NDE1: variants seen among roughly 807,000 people sequenced by gnomAD.
The protein encoded by NDE1 is nuclear distribution protein nudE homolog 1.
In NDE1, 28 loss-of-function variants were observed where a neutral mutation model predicts 43.4. The ratio of observed to expected loss-of-function variants is 0.65; its 90% confidence interval spans 0.48 to 0.89. The LOEUF (loss-of-function observed/expected upper bound fraction) is 0.89, where lower values mean the gene tolerates loss of function less well. NDE1 is among the 40% of genes least tolerant of loss of function. The pLI is 0.00. For synonymous variants in NDE1, 184 were observed against 172.0 expected (o/e 1.07, Z -0.55); for missense variants, 441 against 434.1 (o/e 1.02, Z -0.14).
rs1215643493 is a variant in NDE1, at chr16:15,724,285, G to A, written c.*34G>A. 8 of 1,614,136 alleles carry A rather than the reference G, an allele frequency of 5.0e-6. No homozygotes were observed. The highest frequency in any genetic ancestry group is 3.3e-5 in the South Asian group (3 of 91,082). ...CTTGGTCTTTTCCAGTTTATCATAA[G>A]CGGCCGCCTTCTCCTCGTACTGCTG... On this transcript the variant is annotated 3_prime_UTR_variant, in exon 9 of 9. Transcript: ENST00000396354.
At chr16:15,714,453 G>A (rs566865255) in intron 8 of NDE1, 24 of 204,486 alleles carry the variant, frequency 1.2e-4, no homozygotes, top group Non-Finnish European at 1.9e-4. Flanking sequence ...GGGGAATGTC[G>A]GACAGCCCCC....
intron 8 of NDE1, chr16:15,704,162 T>C (rs1265949547): frequency 1.2e-6 from 2 of 1,612,076 alleles, no homozygotes; most frequent in Admixed American, 1.7e-5. Flanking sequence ...AGCAAAGAAA[T>C]CTTCATGGTT....
In NDE1 at chr16:15,719,839, A is replaced by ACGAGCATGGCTCTCAGTTCCAGGTGGCT. The variant is rs2040372374; in HGVS notation, c.948-4351_948-4324dup. 9 of 1,365,204 alleles carry ACGAGCATGGCTCTCAGTTCCAGGTGGCT rather than the reference A, an allele frequency of 6.6e-6. No individual in the cohort carries two copies. The East Asian group carries it at 2.1e-4, about 32-fold the overall frequency. 84.6% of individuals were successfully genotyped at this position (1,365,204 alleles called of 1,614,324 possible). ...TTGACCACAAAGAAGTTCCCATTGC[A>ACGAGCATGGCTCTCAGTTCCAGGTGGCT]CGAGCATGGCTCTCAGTTCCAGGTG... On this transcript the variant is annotated intron_variant, in intron 8 of 8. Coordinates refer to ENST00000396354, the MANE Select transcript of NDE1 (RefSeq NM_017668.3).
At chr16:15,695,534 A>G (rs1439583436) in intron 7 of NDE1, 1 of 985,004 alleles carries the variant, frequency 1.0e-6, no homozygotes, top group East Asian at 1.1e-4. Context: ...GCCTAGGGCA[A>G]AGAATTTGGC....
intron 3 of NDE1, among the ~76,000 whole-genome samples, chr16:15,671,841 C>T (rs553395284): frequency 1.3e-5 from 2 of 152,134 alleles, no homozygotes; most frequent in East Asian, 1.9e-4. Flanking sequence ...CAGGCACCTG[C>T]CACACCACGC....
intron 8 of NDE1, among the ~76,000 whole-genome samples, chr16:15,698,216 A>G (rs1355871174): frequency 6.6e-6 from 1 of 152,030 alleles, no homozygotes; most frequent in East Asian, 1.9e-4. Flanking sequence ...GATCTCTAAC[A>G]GTGTCATTAA....
intron 5 of NDE1, among the ~76,000 whole-genome samples, chr16:15,689,510 C>T (rs187918963): frequency 1.3e-5 from 2 of 152,054 alleles, no homozygotes; most frequent in Admixed American, 6.6e-5. Context: ...AAATCATTGC[C>T]AAGACATACC....
chr16:15,718,405 C>T (rs1388279286), intron 8 of NDE1: 6 of 1,591,004 alleles, frequency 3.8e-6, no homozygotes, highest in Admixed American at 3.4e-5. Flanking sequence ...CGATCCGGGC[C>T]TCCAGGCGGC....
At chr16:15,674,106 C>T (rs1229304074) in intron 3 of NDE1, among the ~76,000 whole-genome samples, 1 of 152,130 alleles carries the variant, frequency 6.6e-6, no homozygotes, top group East Asian at 1.9e-4. Flanking sequence ...GATGTTATTG[C>T]TGCAGCTGGC....
intron 8 of NDE1, chr16:15,719,240 C>T (rs2040335943): frequency 1.2e-6 from 2 of 1,613,718 alleles, no homozygotes; most frequent in East Asian, 2.2e-5. Context: ...GGCTACTGGC[C>T]AGCTCCTCTG....
chr16:15,697,561 A>T (rs1004253559), intron 8 of NDE1, among the ~76,000 whole-genome samples: 4 of 152,008 alleles, frequency 2.6e-5, no homozygotes, highest in Non-Finnish European at 5.9e-5. Flanking sequence ...AAAAATAGAA[A>T]AATGAGCCAG....
Position 15,664,714 on chromosome 16 carries a change from A to G in NDE1, c.-43-22A>G, listed in dbSNP as rs1471103145. 26 of 1,305,598 alleles carry G rather than the reference A, an allele frequency of 2.0e-5. No homozygotes were observed. In the Admixed American group the frequency reaches 3.7e-4, roughly 19 times the overall value. The allele number at this position is 1,305,598 out of a possible 1,614,324, so 80.9% of individuals were successfully genotyped here. Reference sequence around the variant, plus strand: ...GCTGTTTAACCAGATGTGGGTAATCATTTTGAAACCTTCTCTCCTAGACAC... The same window carrying G: ...GCTGTTTAACCAGATGTGGGTAATCGTTTTGAAACCTTCTCTCCTAGACAC... On this transcript the variant is annotated intron_variant, in intron 1 of 8. Transcript: ENST00000396354.
intron 3 of NDE1, among the ~76,000 whole-genome samples, chr16:15,672,409 T>A (rs2037642417): frequency 6.6e-6 from 1 of 152,026 alleles, no homozygotes; most frequent in African/African-American, 2.4e-5. Context: ...TGCAGCCACA[T>A]GTCAGATGCA....
chr16:15,711,796 G>A (rs1051376525), intron 8 of NDE1, among the ~76,000 whole-genome samples: 1 of 152,086 alleles, frequency 6.6e-6, no homozygotes, highest in African/African-American at 2.4e-5. Context: ...AGGTTCAAGC[G>A]ATTCTCCTGC....
rs113860317 is a variant in NDE1 at position 15,720,742 on chromosome 16, T to TAAAAA, written c.948-3446_948-3445insAAAAA. 2,869 of 1,351,282 alleles carry TAAAAA rather than the reference T, an allele frequency of 2.1e-3. 51 individuals are homozygous for TAAAAA. The African/African-American group carries it at 0.035, about 16-fold the overall frequency. 83.7% of individuals were successfully genotyped at this position (1,351,282 alleles called of 1,614,324 possible). A position where few individuals can be genotyped will look rare whatever the true frequency, so the allele number is the denominator to read the frequency against. ...AGCGAGACTCTGTTTCAAAAAAAAA[T>TAAAAA]AAAGAAAACGAAGTTTCCACACCAA... On this transcript the variant is annotated intron_variant, in intron 8 of 8. Coordinates refer to ENST00000396354, the MANE Select transcript of NDE1 (RefSeq NM_017668.3).
At chr16:15,718,377 G>T in intron 8 of NDE1, 2 of 1,606,120 alleles carry the variant, frequency 1.2e-6, no homozygotes, top group Non-Finnish European at 1.7e-6. Context: ...TCCTCCTCCA[G>T]CTCCTCCTCC....
At chr16:15,694,327 T>TA in intron 7 of NDE1, 71 bp downstream of exon 7, 1 of 1,581,032 alleles carries the variant, frequency 6.3e-7, no homozygotes. Context: ...GGGGTTGATC[T>TA]AGTTCCTTCC....
chr16:15,691,633 T>C (rs968576000), intron 6 of NDE1, among the ~76,000 whole-genome samples: 1 of 110,372 alleles, frequency 9.1e-6, no homozygotes, highest in Admixed American at 1.0e-4. Context: ...AGAAATCCTC[T>C]TTTTTTTTGT....
At chr16:15,702,484 G>A (rs1303889941) in intron 8 of NDE1, among the ~76,000 whole-genome samples, 1 of 152,044 alleles carries the variant, frequency 6.6e-6, no homozygotes, top group African/African-American at 2.4e-5. Flanking sequence ...TGGAACTCCT[G>A]GCTCACATGA....
Sources: allele counts gnomAD v4.1 joint callset (sites outside exome capture counted in the v4.1 genomes callset), GRCh38; gene constraint gnomAD v4.1.1; transcripts MANE v1.5; gene names NCBI Gene and HGNC (gene_info 2026-07-23, HGNC 2026-07-21).